Variants in SHARPIN observed in about 807,000 individuals in gnomAD.
The protein encoded by SHARPIN is hSIPL1.
In SHARPIN, 25 loss-of-function variants were observed where a neutral mutation model predicts 40.3. The observed-to-expected ratio is 0.62, with a 90% confidence interval of 0.45 to 0.87. The LOEUF is 0.87. Among genes scored for constraint, SHARPIN ranks in the 40% least tolerant of loss-of-function variants. The pLI is 0.00. For synonymous variants in SHARPIN, 274 were observed against 221.8 expected (o/e 1.24, Z -2.09); for missense variants, 551 against 516.1 (o/e 1.07, Z -0.66).
chr8:144,102,484 G>A (rs1402364013), intron 2 of SHARPIN, among the ~76,000 whole-genome samples: 7 of 152,026 alleles, frequency 4.6e-5, no homozygotes. Context: ...TTGCTGACCA[G>A]GCTGGTCTCA....
In SHARPIN at chr8:144,098,935, C is replaced by G. The variant is rs571059518; in HGVS notation, c.1107G>C (p.Glu369Asp). The G allele has an allele frequency of 3.1e-6, 5 of 1,593,972 alleles. No homozygotes were observed. In the South Asian group the frequency reaches 4.6e-5, roughly 15 times the overall value. The change falls in exon 8 of 9, where the codon GAG becomes GAC. Residue 369 changes from glutamate to aspartate, a missense_variant. Glu to Asp is a conservative substitution (Grantham distance 45). Coordinates refer to ENST00000398712, the MANE Select transcript of SHARPIN (RefSeq NM_030974.4). ...FINAPDRPGC[E>D]MCSTQRPCTW... ...TGCAGGGCCTCTGGGTGCTACACAT[C>G]TCACAGCCAGGGCGGTCTGGGGCAT...
At chr8:144,101,381 C>A (rs976305850) in intron 2 of SHARPIN, among the ~76,000 whole-genome samples, 1 of 147,018 alleles carries the variant, frequency 6.8e-6, no homozygotes, top group Non-Finnish European at 1.5e-5. Flanking sequence ...GGATTACAGG[C>A]AGACACGACT....
At position 144,099,388 on chromosome 8, in the gene SHARPIN, CCCAG is replaced by C; in HGVS notation, c.807_810del (p.Trp270SerfsTer141). ...GGCACACACAGGCACCGTCCGATGA[CCCAG>C]CGTTGCACGGCTGGCGGGAAACCGA... On this transcript the variant is annotated frameshift_variant, in exon 6 of 9. Transcript: ENST00000398712. LOFTEE classifies it high-confidence loss of function. 1 of 1,613,578 alleles carries C rather than the reference CCCAG, an allele frequency of 6.2e-7. No individual in the cohort carries two copies. Among genetic ancestry groups the C allele is most frequent in the Admixed American group, 1.7e-5 (1 of 59,976 alleles).
At chr8:144,103,314 A>G in intron 1 of SHARPIN, 89 bp from the exon 2 acceptor site, 1 of 1,417,642 alleles carries the variant, frequency 7.1e-7, no homozygotes, top group Non-Finnish European at 9.6e-7. Context: ...TTTATAGACC[A>G]TTTACACGGT....
At chr8:144,103,316 T>G in intron 1 of SHARPIN, 91 bp from the exon 2 acceptor site, 1 of 1,412,246 alleles carries the variant, frequency 7.1e-7, no homozygotes, top group Non-Finnish European at 9.6e-7. Flanking sequence ...TATAGACCAT[T>G]TACACGGTCC....
intron 2 of SHARPIN, chr8:144,100,619 C>T (rs1238998809): frequency 1.3e-5 from 2 of 153,734 alleles, no homozygotes; most frequent in African/African-American, 4.8e-5. Flanking sequence ...TGGTCTCAGG[C>T]CCACTATATT....
rs908383119 is a variant in SHARPIN at position 144,103,550 on chromosome 8, C to T, written c.201+3G>A. 1.3e-5 allele frequency: 20 copies of T among 1,531,742 alleles called. No homozygotes were observed. Among genetic ancestry groups the T allele is most frequent in the Non-Finnish European group, 1.7e-5 (20 of 1,145,670 alleles). The allele number at this position is 1,531,742 out of a possible 1,614,324, so 94.9% of individuals were successfully genotyped here. ...TGACCGCGCGCCCTCCGCCCCCACT[C>T]ACCGCCCCAGGTCCCGCGCCCAGCA... On this transcript the variant is annotated splice_donor_region_variant and intron_variant, in intron 1 of 8. Transcript: ENST00000398712.
chr8:144,099,061 C>T lies in SHARPIN; in HGVS notation c.1047+20G>A. 1 of 1,572,576 alleles carries T rather than the reference C, an allele frequency of 6.4e-7. No individual in the cohort carries two copies. The highest frequency in any genetic ancestry group is 8.6e-7 in the Non-Finnish European group (1 of 1,160,308). ...ATGCCCATGGCTGTCCTGGCCCTCC[C>T]TGCCCAGTCCCGTGCCCACCTGGAG... On this transcript the variant is annotated intron_variant, in intron 7 of 8. Transcript: ENST00000398712.
At chr8:144,101,484 C>T (rs977496068) in intron 2 of SHARPIN, among the ~76,000 whole-genome samples, 1 of 148,374 alleles carries the variant, frequency 6.7e-6, no homozygotes, top group South Asian at 2.1e-4. Context: ...TCTCGGCTCA[C>T]TGCAAGCTCC....
chr8:144,101,242 G>GTT (rs778483790), intron 2 of SHARPIN, among the ~76,000 whole-genome samples: 12 of 141,354 alleles, frequency 8.5e-5, no homozygotes, highest in South Asian at 2.2e-4. Flanking sequence ...TATTATTTTT[G>GTT]TTTTTTTTTT....
At chr8:144,101,023 C>T (rs1301530751) in intron 2 of SHARPIN, among the ~76,000 whole-genome samples, 3 of 151,786 alleles carry the variant, frequency 2.0e-5, no homozygotes, top group Admixed American at 6.6e-5. Context: ...TTAGTAGAGA[C>T]GGGATTTCTC....
At chr8:144,100,097 C>A in intron 2 of SHARPIN, 28 bp from the exon 3 acceptor site, 6 of 1,539,030 alleles carry the variant, frequency 3.9e-6, no homozygotes, top group Non-Finnish European at 5.2e-6. Context: ...GTGTGCTGTG[C>A]TGTGGCCTCT....
chr8:144,100,045 G>A lies in SHARPIN; in HGVS notation c.401C>T (p.Ala134Val), dbSNP rs760608585. Residue 134 changes from alanine (A) to valine (V), a missense_variant, in exon 3 of 9, where the codon GCC becomes GTC. Coordinates refer to ENST00000398712, the MANE Select transcript of SHARPIN (RefSeq NM_030974.4). ...GACAGGGCATGCTTCTGGGCCCAAG[G>A]CTGGTGGTGAGTTGCTCTTGCTGCC... ...QNGSKSNSPPALGPEACPVSL... is the reference protein window; with the variant it reads ...QNGSKSNSPPVLGPEACPVSL... 2 of 1,585,344 alleles carry A rather than the reference G, an allele frequency of 1.3e-6. No individual in the cohort carries two copies.
Position 144,103,072 on chromosome 8 carries a change from C to G in SHARPIN, c.355G>C (p.Ala119Pro). 6.2e-7 allele frequency: 1 copy of G among 1,612,874 alleles called. No homozygotes were observed. The highest frequency in any genetic ancestry group is 1.7e-5 in the Admixed American group (1 of 59,960). The change falls in exon 2 of 9, where the codon GCC becomes CCC. Residue 119 changes from alanine (A) to proline (P), a missense_variant. Coordinates refer to ENST00000398712, the MANE Select transcript of SHARPIN (RefSeq NM_030974.4). ...TGACCATTCTGTCCTTCCACGGTGG[C>G]ACCTCGGACTAGGACTGCCCACCGC... is the stretch of plus-strand genomic sequence containing the variant. Reference protein sequence around the residue: ...AQRWAVLVRGATVEGQNGSKS... With the variant: ...AQRWAVLVRGPTVEGQNGSKS...
Position 144,098,897 on chromosome 8 carries a change from A to G in SHARPIN, c.1145T>C (p.Leu382Pro). ...STQRPCTWDP[L>P]AAAST is the part of the protein sequence containing the mutation. ...TGGCTGCTAGGTGGAAGCTGCAGCAAGGGGGTCCCAAGTGCAGGGCCTCTG... is the reference window on the plus strand; with the variant it reads ...TGGCTGCTAGGTGGAAGCTGCAGCAGGGGGGTCCCAAGTGCAGGGCCTCTG... The change falls in exon 8 of 9, where the codon CTT becomes CCT. Residue 382 changes from leucine (L) to proline (P), a missense_variant. Transcript: ENST00000398712. 1 of 1,589,956 alleles carries G rather than the reference A, an allele frequency of 6.3e-7. No individual in the cohort carries two copies. Among genetic ancestry groups the G allele is most frequent in the African/African-American group, 1.4e-5 (1 of 73,302 alleles).
intron 2 of SHARPIN, among the ~76,000 whole-genome samples, chr8:144,100,280 A>T (rs1587610967): frequency 6.6e-6 from 1 of 152,338 alleles, no homozygotes; most frequent in East Asian, 1.9e-4. Flanking sequence ...AGCTGCACTT[A>T]GTTCATATTT....
At chr8:144,103,323 G>A (rs975701459) in intron 1 of SHARPIN, 98 bp from the exon 2 acceptor site, 44 of 1,374,042 alleles carry the variant, frequency 3.2e-5, no homozygotes, top group South Asian at 8.3e-5. Flanking sequence ...CATTTACACG[G>A]TCCTAAGCCC....
chr8:144,100,073 G>A lies in SHARPIN; in HGVS notation c.377-4C>T, dbSNP rs1185913592. 1.3e-6 allele frequency: 2 copies of A among 1,568,042 alleles called. No individual in the cohort carries two copies. Among genetic ancestry groups the A allele is most frequent in the South Asian group, 1.2e-5 (1 of 82,634 alleles). ...GGTGGTGAGTTGCTCTTGCTGCCTA[G>A]AGGTAAGATATGGGTGTGCTGTGCT... On this transcript the variant is annotated splice_region_variant and splice_polypyrimidine_tract_variant and intron_variant, in intron 2 of 8. Transcript: ENST00000398712.
chr8:144,100,049 G>C lies in SHARPIN; in HGVS notation c.397C>G (p.Pro133Ala). Residue 133 changes from proline (P) to alanine (A), a missense_variant, in exon 3 of 9, where the codon CCA (proline) becomes GCA (alanine). Transcript: ENST00000398712. ...GQNGSKSNSPPALGPEACPVS... is the reference protein window; with the variant it reads ...GQNGSKSNSPAALGPEACPVS... ...GGGCATGCTTCTGGGCCCAAGGCTG[G>C]TGGTGAGTTGCTCTTGCTGCCTAGA... is the stretch of plus-strand genomic sequence containing the variant. The C allele has an allele frequency of 6.3e-7, 1 of 1,582,710 alleles. No homozygotes were observed. The highest frequency in any genetic ancestry group is 8.6e-7 in the Non-Finnish European group (1 of 1,164,318).
Sources: gnomAD v4.1 joint callset for allele counts (sites outside exome capture counted in the v4.1 genomes callset) on GRCh38, gnomAD v4.1.1 for gene constraint, MANE v1.5 for transcripts, NCBI Gene and HGNC (gene_info 2026-07-23, HGNC 2026-07-21) for gene names.